The following GHR variants were observed in gnomAD, a reference collection of about 807,000 sequenced individuals.
The protein encoded by GHR is growth hormone receptor.
A neutral mutation model predicts 67.1 loss-of-function variants in GHR; 35 were observed. The observed-to-expected ratio is 0.52, with a 90% CI of 0.40 to 0.69. The LOEUF (loss-of-function observed/expected upper bound fraction) is 0.69, where lower values mean the gene tolerates loss of function less well. Among genes scored for constraint, GHR ranks in the 30% least tolerant of loss-of-function variants. The pLI is 0.00. For synonymous variants in GHR, 272 were observed against 269.1 expected (o/e 1.01, Z -0.10); for missense variants, 792 against 764.6 (o/e 1.04, Z -0.42).
At chr5:42,453,955 T>TC in intron 1 of GHR, among the ~76,000 whole-genome samples, 1 of 152,326 alleles carries the variant, frequency 6.6e-6, no homozygotes, top group East Asian at 1.9e-4. Context: ...GATCTGAAAC[T>TC]CCTACTATTC....
At chr5:42,540,257 A>C (rs563837525) in intron 1 of GHR, among the ~76,000 whole-genome samples, 2 of 151,408 alleles carry the variant, frequency 1.3e-5, no homozygotes, top group African/African-American at 2.4e-5. Flanking sequence ...CTTCTGCAAC[A>C]TCTTAAAGCA....
intron 2 of GHR, among the ~76,000 whole-genome samples, chr5:42,625,072 A>G (rs1387666489): frequency 1.3e-5 from 2 of 152,188 alleles, no homozygotes; most frequent in Non-Finnish European, 2.9e-5. Context: ...AGAATAAAAA[A>G]GAAACACTTT....
chr5:42,669,382 A>T (rs1198503151), intron 3 of GHR, among the ~76,000 whole-genome samples: 1 of 152,220 alleles, frequency 6.6e-6, no homozygotes, highest in Non-Finnish European at 1.5e-5. Context: ...CCTCAACAAA[A>T]TTACAAGATA....
chr5:42,640,247 G>T (rs1304012363), intron 3 of GHR, among the ~76,000 whole-genome samples: 1 of 152,080 alleles, frequency 6.6e-6, no homozygotes, highest in East Asian at 1.9e-4. Context: ...GGTTTGGGGA[G>T]CTGGGAACCA....
chr5:42,639,092 A>G (rs1166049093), intron 3 of GHR, among the ~76,000 whole-genome samples: 1 of 152,156 alleles, frequency 6.6e-6, no homozygotes, highest in Non-Finnish European at 1.5e-5. Context: ...AAGACTGAAC[A>G]CCTGTAAATG....
intron 1 of GHR, among the ~76,000 whole-genome samples, chr5:42,540,604 TC>T (rs1748463569): frequency 6.6e-6 from 1 of 152,098 alleles, no homozygotes; most frequent in Non-Finnish European, 1.5e-5. Context: ...TGAGCTTCAC[TC>T]CCCCTTCCTG....
chr5:42,489,512 A>G (rs573957127), intron 1 of GHR, among the ~76,000 whole-genome samples: 2 of 152,294 alleles, frequency 1.3e-5, no homozygotes, highest in South Asian at 4.1e-4. Flanking sequence ...ACACACATCC[A>G]CACACACATA....
intron 2 of GHR, among the ~76,000 whole-genome samples, chr5:42,616,022 A>G (rs1269414429): frequency 6.6e-6 from 1 of 151,894 alleles, no homozygotes; most frequent in African/African-American, 2.4e-5. Context: ...CACTTGGGTC[A>G]CGTTTTTCTG....
chr5:42,466,031 T>G (rs1388684228), intron 1 of GHR: 1 of 502,460 alleles, frequency 2.0e-6, no homozygotes, highest in Non-Finnish European at 3.6e-6. Context: ...TTATTTTTCC[T>G]CTAGGCAAGC....
In GHR at chr5:42,670,874, A is replaced by T. The variant is rs1171459449; in HGVS notation, c.137-18016A>T. Among the ~76,000 whole-genome samples the T allele has an allele frequency of 2.8e-3, 256 of 91,850 alleles. 1 individual carries two copies. The highest frequency in any genetic ancestry group is 9.8e-3 in the African/African-American group (246 of 25,102). The allele number at this position is 91,850 out of a possible 152,430, so 60.3% of individuals were successfully genotyped here. On this transcript the variant is annotated intron_variant, in intron 3 of 9. Transcript: ENST00000230882. ...AAAAAAAAGCAAAAATTAAAAAAAA[A>T]AAAAAAATATATATATATATATAGG...
At chr5:42,634,728 C>T (rs1202699448) in intron 3 of GHR, among the ~76,000 whole-genome samples, 1 of 152,158 alleles carries the variant, frequency 6.6e-6, no homozygotes, top group Non-Finnish European at 1.5e-5. Context: ...AAGCCTTCCA[C>T]AGAACCTTTC....
chr5:42,577,968 G>GA lies in GHR; in HGVS notation c.70+12029dup, dbSNP rs1289072695. On this transcript the variant is annotated intron_variant, in intron 2 of 9. Coordinates refer to ENST00000230882, the MANE Select transcript of GHR (RefSeq NM_000163.5). ...ATTTCCTATACGATATACTTAATCA[G>GA]AAAAATATTTTTGAACTAGAGCTCA... Among the ~76,000 whole-genome samples the GA allele has an allele frequency of 9.2e-5, 14 of 152,250 alleles. No individual in the cohort carries two copies. In the East Asian group the frequency reaches 2.3e-3, roughly 25 times the overall value.
At chr5:42,479,500 G>C (rs1394895701) in intron 1 of GHR, among the ~76,000 whole-genome samples, 8 of 152,188 alleles carry the variant, frequency 5.3e-5, no homozygotes, top group Admixed American at 5.2e-4. Flanking sequence ...ATTCGGCTGT[G>C]AATCCATCTG....
rs371646052 is a variant in GHR, at chr5:42,565,869, A to G, written c.-6A>G. On this transcript the variant is annotated 5_prime_UTR_variant, in exon 2 of 10. Transcript: ENST00000230882. ...TACCCTTTTTGTGATTGCAGGTCCT[A>G]CAGGTATGGATCTCTGGCAGCTGCT... 3.7e-6 allele frequency: 6 copies of G among 1,613,756 alleles called. No homozygotes were observed. The highest frequency in any genetic ancestry group is 5.1e-6 in the Non-Finnish European group (6 of 1,179,792).
intron 1 of GHR, among the ~76,000 whole-genome samples, chr5:42,485,753 A>C (rs1473177510): frequency 1.3e-5 from 2 of 152,178 alleles, no homozygotes; most frequent in Admixed American, 1.3e-4. Context: ...TTTTACATAG[A>C]TTCATTATTA....
intron 1 of GHR, among the ~76,000 whole-genome samples, chr5:42,445,836 T>C (rs1743784939): frequency 6.6e-6 from 1 of 152,238 alleles, no homozygotes; most frequent in African/African-American, 2.4e-5. Context: ...TTAAGGTCCT[T>C]GTCTCTTGGT....
chr5:42,681,364 T>C (rs2111591694), intron 3 of GHR, among the ~76,000 whole-genome samples: 1 of 151,792 alleles, frequency 6.6e-6, no homozygotes, highest in Middle Eastern at 3.4e-3. Context: ...AAAATGCTCA[T>C]CATCACTGGT....
chr5:42,566,645 A>G (rs998529646), intron 2 of GHR, among the ~76,000 whole-genome samples: 1 of 151,486 alleles, frequency 6.6e-6, no homozygotes, highest in African/African-American at 2.4e-5. Flanking sequence ...TCAGAAAGAA[A>G]ACTGTGCTCT....
chr5:42,474,253 C>CAGAAAGAAAGAA (rs756789779), intron 1 of GHR, among the ~76,000 whole-genome samples: 324 of 50,692 alleles, frequency 6.4e-3, no homozygotes, highest in Middle Eastern at 0.047. Flanking sequence ...GAGAGAAAGA[C>CAGAAAGAAAGAA]AGACAGAAAG....
Sources: gnomAD v4.1 joint callset for allele counts (sites outside exome capture counted in the v4.1 genomes callset) on GRCh38, gnomAD v4.1.1 for gene constraint, MANE v1.5 for transcripts, NCBI Gene and HGNC (gene_info 2026-07-23, HGNC 2026-07-21) for gene names.